Variants in TRPC5 observed in about 807,000 individuals in gnomAD.
TRPC5 encodes the protein short transient receptor potential channel 5.
Under a neutral mutation model 56.5 loss-of-function variants are expected in TRPC5, and 9 were observed. The ratio of observed to expected loss-of-function variants is 0.16; its 90% CI spans 0.10 to 0.28. The LOEUF is 0.28. TRPC5 is among the 10% of genes least tolerant of loss of function. TRPC5 has a pLI of 1.00. For missense variants in TRPC5, 469 were observed against 748.9 expected (o/e 0.63, Z 4.36); for synonymous variants, 282 against 278.5 (o/e 1.01, Z -0.13).
At chrX:111,992,666 G>A (rs1928390786) in intron 1 of TRPC5, among the ~76,000 whole-genome samples, 1 of 109,210 alleles carries the variant, frequency 9.2e-6, no homozygotes, top group Non-Finnish European at 1.9e-5. Context: ...GCAGTGGCAC[G>A]ATCTCAGCTC....
chrX:111,813,911 A>G (rs1209534901), intron 7 of TRPC5, among the ~76,000 whole-genome samples: 1 of 112,093 alleles, frequency 8.9e-6, no homozygotes. Flanking sequence ...TTTCCCTGAC[A>G]AGGGAAGTCT....
chrX:111,786,152 G>C, intron 7 of TRPC5, among the ~76,000 whole-genome samples: 1 of 111,382 alleles, frequency 9.0e-6, no homozygotes, highest in Non-Finnish European at 1.9e-5. Context: ...AAAGTGTTAA[G>C]GGCAGCCACA....
At chrX:111,939,350 T>G (rs760464290) in intron 2 of TRPC5, among the ~76,000 whole-genome samples, 3 of 111,247 alleles carry the variant, frequency 2.7e-5, no homozygotes, top group Non-Finnish European at 5.7e-5. Flanking sequence ...GAATATTGAT[T>G]TGTAGTTTTC....
intron 1 of TRPC5, among the ~76,000 whole-genome samples, chrX:112,062,385 T>C (rs921423039): frequency 1.8e-5 from 2 of 111,146 alleles, no homozygotes; most frequent in Non-Finnish European, 3.8e-5. Flanking sequence ...AATAATTATA[T>C]AAGAGAATCA....
intron 1 of TRPC5, among the ~76,000 whole-genome samples, chrX:112,015,483 C>T (rs888493699): frequency 1.3e-4 from 14 of 110,856 alleles, no homozygotes; most frequent in South Asian, 3.9e-4. Flanking sequence ...CCTCTCAAAA[C>T]GTTGGGATTA....
intron 7 of TRPC5, among the ~76,000 whole-genome samples, chrX:111,813,962 G>C (rs1276644944): frequency 8.9e-6 from 1 of 111,982 alleles, no homozygotes; most frequent in Non-Finnish European, 1.9e-5. Flanking sequence ...AGAATTCAGG[G>C]CATGCTTCTC....
intron 7 of TRPC5, among the ~76,000 whole-genome samples, chrX:111,827,288 A>G (rs1922268680): frequency 9.0e-6 from 1 of 110,807 alleles, no homozygotes; most frequent in African/African-American, 3.3e-5. Context: ...CTCACTCCTT[A>G]GTGATCTCAT....
chrX:112,046,841 A>G (rs1290483922), intron 1 of TRPC5, among the ~76,000 whole-genome samples: 1 of 111,832 alleles, frequency 8.9e-6, no homozygotes, highest in Non-Finnish European at 1.9e-5. Context: ...GAGACTCAGC[A>G]GGACCAAGAT....
intron 7 of TRPC5, among the ~76,000 whole-genome samples, chrX:111,829,026 G>T (rs1458320500): frequency 9.0e-6 from 1 of 111,423 alleles, no homozygotes; most frequent in African/African-American, 3.3e-5. Context: ...AGTTTGAGCT[G>T]GGCATGGTGG....
chrX:111,911,325 C>CT (rs1925810641), intron 3 of TRPC5, among the ~76,000 whole-genome samples: 1 of 112,341 alleles, frequency 8.9e-6, no homozygotes, highest in African/African-American at 3.2e-5. Context: ...TGAATGTTAG[C>CT]TTTTCTTATT....
Position 111,952,381 on chromosome X carries a change from A to T in TRPC5, c.40T>A (p.Tyr14Asn). The change falls in exon 2 of 11, where the codon TAC becomes AAC. Residue 14 changes from tyrosine to asparagine, a missense_variant. This residue lies in a region of TRPC5 where 118 missense variants were observed against 167.1 expected (regional missense o/e 0.71). Transcript: ENST00000262839. ...ATTTGCAGGGGGATGCGGTCTCTGT[A>T]CGGTGAGTAGTTGACCTTTTTGTAG... ...LYYKKVNYSP[Y>N]RDRIPLQIVR... 1 of 1,210,336 alleles carries T rather than the reference A, an allele frequency of 8.3e-7. No homozygotes were observed. Among genetic ancestry groups the T allele is most frequent in the Non-Finnish European group, 1.1e-6 (1 of 894,906 alleles).
intron 7 of TRPC5, among the ~76,000 whole-genome samples, chrX:111,787,592 A>G (rs1218816283): frequency 1.8e-5 from 2 of 110,737 alleles, no homozygotes; most frequent in African/African-American, 6.6e-5. Context: ...CAAAAAAAAA[A>G]AAAACCCTTC....
At chrX:111,780,118 A>G (rs1360116760) in intron 9 of TRPC5, among the ~76,000 whole-genome samples, 1 of 111,185 alleles carries the variant, frequency 9.0e-6, no homozygotes, top group African/African-American at 3.3e-5. Flanking sequence ...TTTCCTTCAA[A>G]CGCTGTAGAA....
chrX:111,961,925 G>A (rs1340533434), intron 1 of TRPC5, among the ~76,000 whole-genome samples: 1 of 112,102 alleles, frequency 8.9e-6, no homozygotes, highest in African/African-American at 3.2e-5. Flanking sequence ...AAGAAATCAT[G>A]TCCTTTGCAG....
At chrX:111,913,352 A>G (rs139939495) in intron 2 of TRPC5, among the ~76,000 whole-genome samples, 1,946 of 111,622 alleles carry the variant, frequency 0.017, 36 homozygotes, top group African/African-American at 0.056. Flanking sequence ...CCAAATGAGC[A>G]GTAGAGACTA....
At chrX:111,798,768 G>T (rs80026802) in intron 7 of TRPC5, among the ~76,000 whole-genome samples, 77 of 111,785 alleles carry the variant, frequency 6.9e-4, no homozygotes, top group African/African-American at 2.4e-3. Flanking sequence ...TGCACCTTTT[G>T]TATGGGTGCA....
intron 3 of TRPC5, among the ~76,000 whole-genome samples, chrX:111,910,356 C>T (rs1413557275): frequency 9.2e-6 from 1 of 108,129 alleles, no homozygotes; most frequent in Non-Finnish European, 1.9e-5. Context: ...ATACGGCAGA[C>T]TGCTTAACAC....
intron 1 of TRPC5, among the ~76,000 whole-genome samples, chrX:112,000,718 A>G (rs1339527760): frequency 8.9e-6 from 1 of 112,406 alleles, no homozygotes; most frequent in Non-Finnish European, 1.9e-5. Flanking sequence ...CAACATGGTA[A>G]GCACCTAACA....
In TRPC5 at chrX:111,859,957, G is replaced by A. The variant is rs183983325; in HGVS notation, c.901-5851C>T. ...GGAGTCTCGCTCTGTCGCCCAGGCT[G>A]GAGTGCAGGGGCGAGATCTCAGCTC... On this transcript the variant is annotated intron_variant, in intron 3 of 10. Transcript: ENST00000262839. 7.4e-3 allele frequency among the ~76,000 whole-genome samples: 841 copies of A among 113,209 alleles called. 4 individuals carry two copies. The highest frequency in any genetic ancestry group is 0.025 in the African/African-American group (778 of 31,239).
Sources: gnomAD v4.1 joint callset for allele counts (sites outside exome capture counted in the v4.1 genomes callset) on GRCh38, gnomAD v4.1.1 for gene constraint, gnomAD v4.1.1 regional missense constraint, MANE v1.5 for transcripts, NCBI Gene and HGNC (gene_info 2026-07-23, HGNC 2026-07-21) for gene names.